The following COMMD10 variants were observed in gnomAD, a reference collection of about 807,000 sequenced individuals.
COMMD10 encodes COMM domain containing 10.
In COMMD10, 33 loss-of-function variants were observed where a neutral mutation model predicts 28.9. That is an observed-to-expected ratio of 1.14 (90% CI 0.87 to 1.53). COMMD10 has a LOEUF of 1.53. Ranked by LOEUF, COMMD10 falls within the 40% of genes most tolerant of loss-of-function variation. COMMD10 has a pLI of 0.00. For synonymous variants in COMMD10, 110 were observed against 81.7 expected (o/e 1.35, Z -1.87); for missense variants, 310 against 233.4 (o/e 1.33, Z -2.14).
In COMMD10 at chr5:116,087,563, G is replaced by A. The variant is rs548731178; in HGVS notation, c.108G>A (p.Arg36=). The A allele has an allele frequency of 1.9e-6, 3 of 1,611,104 alleles. No homozygotes were observed. The highest frequency in any genetic ancestry group is 2.2e-5 in the South Asian group (2 of 91,022). The change falls in exon 2 of 7, where the codon CGG becomes CGA. Residue 36 remains arginine, a synonymous_variant. Coordinates refer to ENST00000274458, the MANE Select transcript of COMMD10 (RefSeq NM_016144.4). ...DTGRFPRLLT[R]ILQKLHLKAE... Reference sequence around the variant, plus strand: ...GAAGATTTCCACGGTTGCTCACTCGGATTCTTCAAAAACTTCACCTGAAGG... The same window carrying A: ...GAAGATTTCCACGGTTGCTCACTCGAATTCTTCAAAAACTTCACCTGAAGG...
chr5:116,248,931 T>C (rs1750034744), intron 5 of COMMD10, among the ~76,000 whole-genome samples: 1 of 151,982 alleles, frequency 6.6e-6, no homozygotes, highest in Admixed American at 6.6e-5. Flanking sequence ...TGTTTGAACA[T>C]CTTGTTTGGA....
At chr5:116,253,064 T>C in intron 5 of COMMD10, among the ~76,000 whole-genome samples, 1 of 74,670 alleles carries the variant, frequency 1.3e-5, no homozygotes, top group African/African-American at 3.3e-5. Context: ...TTGAAGCAAT[T>C]GTGAATGGGA....
intron 5 of COMMD10, among the ~76,000 whole-genome samples, chr5:116,244,782 T>G (rs1169147176): frequency 5.3e-5 from 8 of 151,780 alleles, no homozygotes; most frequent in Non-Finnish European, 1.2e-4. Context: ...TTGAAACTGC[T>G]GAGAACAGAG....
chr5:116,134,243 A>C, intron 5 of COMMD10, 65 bp downstream of exon 5: 1 of 878,046 alleles, frequency 1.1e-6, no homozygotes, highest in Non-Finnish European at 1.9e-6. Flanking sequence ...TTTTATTCTT[A>C]GCAGTCTTTG....
Position 116,085,297 on chromosome 5 carries a change from A to G in COMMD10, c.41+204A>G, listed in dbSNP as rs554027236. On this transcript the variant is annotated intron_variant, in intron 1 of 6. Coordinates refer to ENST00000274458, the MANE Select transcript of COMMD10 (RefSeq NM_016144.4). ...AGCGCCTCTACAGTCACGGTGGTCC[A>G]CCTGTGGGGCTCACAGTGCGCCTGG... 5 of 571,116 alleles carry G rather than the reference A, an allele frequency of 8.8e-6. No homozygotes were observed. In the East Asian group the frequency reaches 1.6e-4, roughly 18 times the overall value. The allele number at this position is 571,116 out of a possible 1,614,324, so 35.4% of individuals were successfully genotyped here.
intron 5 of COMMD10, among the ~76,000 whole-genome samples, chr5:116,178,583 C>T (rs1747837380): frequency 6.6e-6 from 1 of 151,658 alleles, no homozygotes; most frequent in Admixed American, 6.6e-5. Context: ...GGGATGATGC[C>T]CCCTATTTGA....
chr5:116,159,635 A>G (rs772421690), intron 5 of COMMD10, among the ~76,000 whole-genome samples: 2 of 152,206 alleles, frequency 1.3e-5, no homozygotes, highest in Non-Finnish European at 1.5e-5. Flanking sequence ...GTGGTGCCCC[A>G]AACACTAGAT....
chr5:116,203,873 C>G (rs1254751649), intron 5 of COMMD10, among the ~76,000 whole-genome samples: 1 of 151,840 alleles, frequency 6.6e-6, no homozygotes, highest in East Asian at 1.9e-4. Flanking sequence ...ATGACAGGAT[C>G]AAATTCACAC....
intron 5 of COMMD10, among the ~76,000 whole-genome samples, chr5:116,257,522 T>G (rs1441393093): frequency 6.6e-6 from 1 of 151,566 alleles, no homozygotes; most frequent in Admixed American, 6.6e-5. Flanking sequence ...CAAAACAGCT[T>G]TTGACAGTTG....
intron 5 of COMMD10, among the ~76,000 whole-genome samples, chr5:116,235,232 G>A (rs1749630798): frequency 6.6e-6 from 1 of 152,190 alleles, no homozygotes; most frequent in African/African-American, 2.4e-5. Context: ...ACAGAGAACA[G>A]ATTGATAATG....
chr5:116,096,370 T>G (rs1750469448), intron 4 of COMMD10, among the ~76,000 whole-genome samples: 1 of 151,914 alleles, frequency 6.6e-6, no homozygotes, highest in South Asian at 2.1e-4. Flanking sequence ...TGGTAGTATT[T>G]TTCAAATTTT....
intron 2 of COMMD10, among the ~76,000 whole-genome samples, 165 bp downstream of exon 2, chr5:116,087,752 ACT>A (rs1750156005): frequency 6.6e-6 from 1 of 151,928 alleles, no homozygotes; most frequent in Non-Finnish European, 1.5e-5. Flanking sequence ...AGTTTGAGAA[ACT>A]CTGTCTTCAA....
chr5:116,119,482 A>T (rs1472238028), intron 4 of COMMD10, among the ~76,000 whole-genome samples: 2 of 152,112 alleles, frequency 1.3e-5, no homozygotes, highest in Non-Finnish European at 2.9e-5. Context: ...ACCCTGTTGG[A>T]GATTTGTGCA....
At chr5:116,140,137 G>T (rs558290337) in intron 5 of COMMD10, among the ~76,000 whole-genome samples, 1 of 150,454 alleles carries the variant, frequency 6.6e-6, no homozygotes, top group Non-Finnish European at 1.5e-5. Context: ...TTCTTTCTAC[G>T]TCTGGCTTAT....
intron 5 of COMMD10, among the ~76,000 whole-genome samples, chr5:116,255,436 C>G (rs1006438918): frequency 1.3e-5 from 2 of 151,606 alleles, no homozygotes; most frequent in African/African-American, 4.9e-5. Context: ...GCGGCTGGTA[C>G]TGGTTGTTCC....
At chr5:116,227,059 C>G (rs773048348) in intron 5 of COMMD10, among the ~76,000 whole-genome samples, 1 of 152,048 alleles carries the variant, frequency 6.6e-6, no homozygotes, top group Non-Finnish European at 1.5e-5. Flanking sequence ...CTTTTGCCTT[C>G]TGGTGTTACA....
In COMMD10 at chr5:116,205,281, C is replaced by T. The variant is rs1044537671; in HGVS notation, c.510+71103C>T. ...TATTTTCATTTTTCTGACCATTATA[C>T]GATTTTCCTAGCAATATAAAAGAAT... On this transcript the variant is annotated intron_variant, in intron 5 of 6. Coordinates refer to ENST00000274458, the MANE Select transcript of COMMD10 (RefSeq NM_016144.4). Among the ~76,000 whole-genome samples the T allele has an allele frequency of 4.6e-5, 7 of 152,038 alleles. No individual in the cohort carries two copies. The East Asian group carries it at 5.8e-4, about 13-fold the overall frequency.
At chr5:116,244,658 T>TAAAAAAAA (rs1749894581) in intron 5 of COMMD10, among the ~76,000 whole-genome samples, 1 of 48,608 alleles carries the variant, frequency 2.1e-5, no homozygotes, top group Non-Finnish European at 4.2e-5. Context: ...AAAAAAAAAT[T>TAAAAAAAA]ACAAAAAAAA....
At chr5:116,261,048 C>T (rs188182309) in intron 5 of COMMD10, among the ~76,000 whole-genome samples, 9 of 151,774 alleles carry the variant, frequency 5.9e-5, no homozygotes, top group Non-Finnish European at 1.3e-4. Context: ...TCTAGTAAAG[C>T]CAAGTCCTAC....
Sources: allele counts gnomAD v4.1 joint callset (sites outside exome capture counted in the v4.1 genomes callset), GRCh38; gene constraint gnomAD v4.1.1; transcripts MANE v1.5; gene names NCBI Gene and HGNC (gene_info 2026-07-23, HGNC 2026-07-21).